The following CYP3A43 variants were observed in gnomAD, a reference collection of about 807,000 sequenced individuals.
CYP3A43 encodes cytochrome P450 3A43.
Under a neutral mutation model 58.0 loss-of-function variants are expected in CYP3A43, and 45 were observed. That is an observed-to-expected ratio of 0.78 (90% CI 0.61 to 0.99). The LOEUF is 0.99. CYP3A43 is among the 50% of genes least tolerant of loss of function. CYP3A43 has a pLI of 0.00. For synonymous variants in CYP3A43, 191 were observed against 201.4 expected (o/e 0.95, Z 0.44); for missense variants, 593 against 591.9 (o/e 1.00, Z -0.02).
chr7:99,838,767 G>A lies in CYP3A43; in HGVS notation c.166-353G>A, dbSNP rs571545040. 1.4e-4 allele frequency: 121 copies of A among 872,988 alleles called. 3 individuals are homozygous for A. The South Asian group carries it at 1.5e-3, about 11-fold the overall frequency. The allele number at this position is 872,988 out of a possible 1,614,324, so 54.1% of individuals were successfully genotyped here. A position where few individuals can be genotyped will look rare whatever the true frequency, so the allele number is the denominator to read the frequency against. The stretch of plus-strand genomic sequence containing the variant: ...GGCTGAAGCAGGAGGATCACCTAAG[G>A]TCAGGAGTTCGAGACCAGCTTTGCC... On this transcript the variant is annotated intron_variant, in intron 2 of 12. Transcript: ENST00000354829.
At chr7:99,837,483 A>G (rs1817145218) in intron 2 of CYP3A43, among the ~76,000 whole-genome samples, 1 of 152,086 alleles carries the variant, frequency 6.6e-6, no homozygotes, top group South Asian at 2.1e-4. Flanking sequence ...CCCAGGATGT[A>G]TTTTACAGAT....
At chr7:99,838,022 T>G (rs1817165267) in intron 2 of CYP3A43, among the ~76,000 whole-genome samples, 1 of 152,254 alleles carries the variant, frequency 6.6e-6, no homozygotes. Flanking sequence ...AATTTTCTCT[T>G]CATATTTCCC....
chr7:99,839,525 A>G, intron 3 of CYP3A43: 2 of 466,750 alleles, frequency 4.3e-6, no homozygotes, highest in East Asian at 1.1e-4. Context: ...CCTGGGTAAT[A>G]GCTTCATACA....
At chr7:99,844,041 TG>T in intron 3 of CYP3A43, 101 bp from the exon 4 acceptor site, 1 of 864,046 alleles carries the variant, frequency 1.2e-6, no homozygotes, top group East Asian at 2.6e-5. Context: ...ACTGCAAGTA[TG>T]GATGATGGAA....
chr7:99,860,004 C>G lies in CYP3A43; in HGVS notation c.1026+14C>G. ...TTACCCAATAAGGTAAGGGGATGAT[C>G]CCCTGGAGAAGGAGGGAGAAGGTGA... On this transcript the variant is annotated intron_variant, in intron 10 of 12. Coordinates refer to ENST00000354829, the MANE Select transcript of CYP3A43 (RefSeq NM_057095.3). 1 of 1,566,632 alleles carries G rather than the reference C, an allele frequency of 6.4e-7. No homozygotes were observed.
chr7:99,858,827 G>A (rs905851826), intron 9 of CYP3A43, among the ~76,000 whole-genome samples: 1 of 151,794 alleles, frequency 6.6e-6, no homozygotes, highest in Non-Finnish European at 1.5e-5. Context: ...CGAGTAGCTG[G>A]GACTACAGGT....
chr7:99,843,913 C>T (rs763022954), intron 3 of CYP3A43, among the ~76,000 whole-genome samples: 1 of 152,160 alleles, frequency 6.6e-6, no homozygotes, highest in Non-Finnish European at 1.5e-5. Context: ...ATGACTCTTT[C>T]CTGTTTGAGC....
intron 5 of CYP3A43, chr7:99,847,953 A>T: frequency 1.7e-6 from 1 of 579,802 alleles, no homozygotes; most frequent in Non-Finnish European, 3.0e-6. Context: ...GGAGGTTGCA[A>T]TGAGCCAAGA....
chr7:99,849,438 T>A, intron 6 of CYP3A43, 108 bp from the exon 7 acceptor site: 1 of 1,285,874 alleles, frequency 7.8e-7, no homozygotes, highest in Non-Finnish European at 1.1e-6. Flanking sequence ...TCTGATTGTG[T>A]GTGGGTTTTC....
chr7:99,847,714 T>C (rs937717154), intron 5 of CYP3A43, 113 bp downstream of exon 5: 7 of 1,532,116 alleles, frequency 4.6e-6, no homozygotes, highest in African/African-American at 4.1e-5. Context: ...TTGAGCTTTC[T>C]AAAAAGGGTC....
chr7:99,844,096 A>G (rs776541319), intron 3 of CYP3A43, 47 bp from the exon 4 acceptor site: 26 of 1,474,170 alleles, frequency 1.8e-5, no homozygotes, highest in Non-Finnish European at 2.3e-5. Context: ...TTCCAGCTGC[A>G]GAATCAGGCA....
chr7:99,834,926 A>G (rs1019657592), intron 1 of CYP3A43, among the ~76,000 whole-genome samples: 2 of 152,204 alleles, frequency 1.3e-5, no homozygotes, highest in Admixed American at 6.5e-5. Flanking sequence ...GTTCCTCCAC[A>G]TACATAGCAT....
chr7:99,848,170 T>TC lies in CYP3A43; in HGVS notation c.441dup (p.Ile148HisfsTer87). 6.2e-7 allele frequency: 1 copy of TC among 1,614,072 alleles called. No homozygotes were observed. The highest frequency in any genetic ancestry group is 1.1e-5 in the South Asian group (1 of 91,068). ...ATGGGTGGTGTTGTGTTTTAGATGG[T>TC]CCCCATCATTTCCCAATGTGGAGAT... On this transcript the variant is annotated frameshift_variant, in exon 6 of 13. Transcript: ENST00000354829. LOFTEE classifies it high-confidence loss of function.
intron 10 of CYP3A43, among the ~76,000 whole-genome samples, chr7:99,860,593 G>A (rs1036557222): frequency 1.3e-5 from 2 of 152,188 alleles, no homozygotes; most frequent in South Asian, 2.1e-4. Flanking sequence ...TCTTTATGGT[G>A]TAACGAGATC....
chr7:99,848,286 T>C (rs778169761), intron 6 of CYP3A43, 32 bp downstream of exon 6: 22 of 1,605,276 alleles, frequency 1.4e-5, no homozygotes, highest in Admixed American at 1.7e-5. Flanking sequence ...TTCTGAGCTG[T>C]CATGAGCCCC....
chr7:99,828,064 C>G lies in CYP3A43; in HGVS notation c.-52C>G, dbSNP rs559197324. Reference sequence around the variant, plus strand: ...ATATGCACAGCCCAGCAAAGAGCAGCACACAGCTGAAAGAAAAACTCAGAA... The same window carrying G: ...ATATGCACAGCCCAGCAAAGAGCAGGACACAGCTGAAAGAAAAACTCAGAA... On this transcript the variant is annotated 5_prime_UTR_variant, in exon 1 of 13. Coordinates refer to ENST00000354829, the MANE Select transcript of CYP3A43 (RefSeq NM_057095.3). 1.3e-6 allele frequency: 2 copies of G among 1,507,140 alleles called. No homozygotes were observed. The highest frequency in any genetic ancestry group is 1.4e-5 in the African/African-American group (1 of 72,916). The allele number at this position is 1,507,140 out of a possible 1,614,324, so 93.4% of individuals were successfully genotyped here. A position where few individuals can be genotyped will look rare whatever the true frequency, so the allele number is the denominator to read the frequency against.
intron 11 of CYP3A43, among the ~76,000 whole-genome samples, chr7:99,862,970 T>C (rs1429133442): frequency 6.6e-6 from 1 of 152,192 alleles, no homozygotes; most frequent in African/African-American, 2.4e-5. Flanking sequence ...ACCAAACAGA[T>C]AGTAAGTGGT....
At position 99,865,907 on chromosome 7, in the gene CYP3A43, T is replaced by G; in HGVS notation, c.1418T>G (p.Ile473Ser). Residue 473 changes from isoleucine (I) to serine (S), a missense_variant and splice_region_variant, in exon 13 of 13, where the codon ATC becomes AGC. Ile to Ser is a moderately radical substitution (Grantham distance 142). Transcript: ENST00000354829. ...AATATTCTTGTTTAACTTTTGCAGA[T>G]CCCACTGAAATTAGACAATCTACCA... Reference protein sequence around the residue: ...FSFKPCKETQIPLKLDNLPIL... With the variant: ...FSFKPCKETQSPLKLDNLPIL... The G allele has an allele frequency of 4.5e-6, 7 of 1,556,804 alleles. No individual in the cohort carries two copies. Among genetic ancestry groups the G allele is most frequent in the African/African-American group, 2.2e-5 (1 of 45,612 alleles).
chr7:99,838,080 A>C (rs1690961634), intron 2 of CYP3A43, among the ~76,000 whole-genome samples: 1 of 152,240 alleles, frequency 6.6e-6, no homozygotes. Flanking sequence ...TATGTTGCCT[A>C]GTTAGAACAT....
Sources: allele counts gnomAD v4.1 joint callset (sites outside exome capture counted in the v4.1 genomes callset), GRCh38; gene constraint gnomAD v4.1.1; transcripts MANE v1.5; gene names NCBI Gene and HGNC (gene_info 2026-07-23, HGNC 2026-07-21).